The following DNAJB1 variants were observed in gnomAD, a reference collection of about 807,000 sequenced individuals.
DNAJB1 encodes the protein dnaJ homolog subfamily B member 1.
Under a neutral mutation model 24.0 loss-of-function variants are expected in DNAJB1, and 14 were observed. That is an observed-to-expected ratio of 0.58 (90% CI 0.39 to 0.91). The LOEUF (loss-of-function observed/expected upper bound fraction) is 0.91, where lower values mean the gene tolerates loss of function less well. Among genes scored for constraint, DNAJB1 ranks in the 40% least tolerant of loss-of-function variants. The pLI is 0.00. For synonymous variants in DNAJB1, 262 were observed against 174.4 expected, an observed-to-expected ratio of 1.50 and a Z score of -3.96; for missense variants, 517 against 458.1, an observed-to-expected ratio of 1.13 and a Z score of -1.17.
chr19:14,554,667 G>T (rs779822214), upstream of DNAJB1, among the ~76,000 whole-genome samples: 2 of 152,104 alleles, frequency 1.3e-5, no homozygotes, highest in Non-Finnish European at 2.9e-5. Flanking sequence ...GGCTCAGGTG[G>T]TGCCTGCTCC....
upstream of DNAJB1, among the ~76,000 whole-genome samples, chr19:14,532,953 C>CA (rs367726416): frequency 8.7e-5 from 13 of 149,854 alleles, no homozygotes; most frequent in African/African-American, 3.0e-4. Flanking sequence ...CTACTAAAAA[C>CA]AAAAAAATTA....
intron 1 of DNAJB1, among the ~76,000 whole-genome samples, chr19:14,547,319 C>T (rs930374042): frequency 6.6e-6 from 1 of 151,990 alleles, no homozygotes; most frequent in Non-Finnish European, 1.5e-5. Context: ...ATATTAGTTA[C>T]AGGCGTGAGC....
chr19:14,554,181 C>G (rs954093483), upstream of DNAJB1, among the ~76,000 whole-genome samples: 2 of 152,150 alleles, frequency 1.3e-5, no homozygotes, highest in African/African-American at 4.8e-5. Context: ...ATCTGTGAAA[C>G]GGAGCTAATG....
intron 1 of DNAJB1, among the ~76,000 whole-genome samples, chr19:14,535,599 T>C (rs1262511640): frequency 2.2e-5 from 2 of 92,164 alleles, no homozygotes; most frequent in Admixed American, 2.7e-4. Context: ...TGTATGTATA[T>C]ATAAATTAGC....
intron 1 of DNAJB1, among the ~76,000 whole-genome samples, chr19:14,537,472 G>C (rs1267339993): frequency 6.6e-6 from 1 of 152,200 alleles, no homozygotes; most frequent in Non-Finnish European, 1.5e-5. Flanking sequence ...TGACAGCCTT[G>C]AGTGAGGGCG....
rs552289493 is a variant in DNAJB1, at chr19:14,540,780, C to T, written c.-214+9428G>A. Among the ~76,000 whole-genome samples, 26 of 152,278 alleles carry T rather than the reference C, an allele frequency of 1.7e-4. 1 individual carries two copies. The South Asian group carries it at 2.5e-3, about 15-fold the overall frequency. On this transcript the variant is annotated intron_variant, in intron 1 of 3. Coordinates refer to the DNAJB1 transcript ENST00000676982. ...TTGATCTTAAGTGATCTGCCGGCCT[C>T]GGCCTCCCAAGTAGCTGGGACTGCA...
intron 1 of DNAJB1, chr19:14,544,969 A>C (rs910561263): frequency 2.5e-6 from 1 of 392,324 alleles, no homozygotes; most frequent in Non-Finnish European, 5.1e-6. Flanking sequence ...ATCAGAATCT[A>C]GGAACTGCGG....
At chr19:14,553,647 GGCTGAGCC>G (rs1384508301), upstream of DNAJB1, among the ~76,000 whole-genome samples, 1 of 152,114 alleles carries the variant, frequency 6.6e-6, no homozygotes, top group South Asian at 2.1e-4. Flanking sequence ...GAGCCGAGAG[GGCTGAGCC>G]GCTGAGCCGG....
chr19:14,522,683 GACACACACACACACACACACACAC>G (rs56121204), upstream of DNAJB1, among the ~76,000 whole-genome samples: 1 of 117,870 alleles, frequency 8.5e-6, no homozygotes, highest in African/African-American at 3.5e-5. Flanking sequence ...CACACACACA[GACACACACACACACACACACACAC>G]ACACACACAC....
upstream of DNAJB1, among the ~76,000 whole-genome samples, chr19:14,522,687 C>CACACACAG (rs2072375448): frequency 1.4e-5 from 1 of 71,716 alleles, no homozygotes; most frequent in African/African-American, 3.9e-5. Context: ...CACACAGACA[C>CACACACAG]ACACACACAC....
intron 1 of DNAJB1, among the ~76,000 whole-genome samples, chr19:14,543,358 T>G (rs569021729): frequency 1.4e-5 from 2 of 138,094 alleles, no homozygotes; most frequent in Non-Finnish European, 3.1e-5. Flanking sequence ...TTGGAAACAG[T>G]GTATTGCCTG....
At chr19:14,540,944 T>C (rs1227288995) in intron 1 of DNAJB1, among the ~76,000 whole-genome samples, 4 of 152,022 alleles carry the variant, frequency 2.6e-5, no homozygotes, top group Admixed American at 2.0e-4. Flanking sequence ...AAGCCATTCT[T>C]TTGCCTCAGG....
intron 1 of DNAJB1, 143 bp downstream of exon 1, chr19:14,517,996 G>A: frequency 2.2e-6 from 2 of 909,798 alleles, no homozygotes; most frequent in Non-Finnish European, 3.0e-6. Flanking sequence ...TCCGAGGGCG[G>A]AGGCCCGCGA....
intron 1 of DNAJB1, among the ~76,000 whole-genome samples, chr19:14,540,904 G>T (rs2161626): frequency 0.016 from 2,390 of 152,054 alleles, 48 homozygotes; most frequent in African/African-American, 0.052. Context: ...GAGTGATCTC[G>T]ATTCACTGCA....
At chr19:14,556,909 G>A (rs1240924481) in intron 1 of DNAJB1, among the ~76,000 whole-genome samples, 3 of 152,112 alleles carry the variant, frequency 2.0e-5, no homozygotes, top group Non-Finnish European at 2.9e-5. Context: ...CCTCTGCACC[G>A]AAAGTATCTC....
At chr19:14,524,346 T>G (rs527335375) in intron 2 of DNAJB1, among the ~76,000 whole-genome samples, 2 of 151,782 alleles carry the variant, frequency 1.3e-5, no homozygotes, top group African/African-American at 4.8e-5. Flanking sequence ...CTGGCCCACA[T>G]AGTGAGACCC....
chr19:14,520,607 G>A (rs531810729), upstream of DNAJB1, among the ~76,000 whole-genome samples: 3 of 152,336 alleles, frequency 2.0e-5, no homozygotes, highest in South Asian at 6.2e-4. Context: ...CAACCCGGGA[G>A]GATGGGGCTG....
rs529302571 is a variant in DNAJB1, at chr19:14,514,827, G to C, written c.*1113C>G. 2 of 152,542 alleles carry C rather than the reference G, an allele frequency of 1.3e-5. No homozygotes were observed. Among genetic ancestry groups the C allele is most frequent in the South Asian group, 4.1e-4 (2 of 4,822 alleles). The allele number at this position is 152,542 out of a possible 1,614,324, so 9.4% of individuals were successfully genotyped here. A position where few individuals can be genotyped will look rare whatever the true frequency, so the allele number is the denominator to read the frequency against. On this transcript the variant is annotated 3_prime_UTR_variant, in exon 3 of 3. Transcript: ENST00000254322. ...CTTCATTGACTAGTCACACACTTTG[G>C]TCTCATGTTGGCAGTGGCAACTTAC... is the stretch of plus-strand genomic sequence containing the variant.
At chr19:14,557,404 G>T (rs1230026719) in intron 1 of DNAJB1, among the ~76,000 whole-genome samples, 1 of 151,344 alleles carries the variant, frequency 6.6e-6, no homozygotes, top group Admixed American at 6.6e-5. Context: ...GCCTCCCAAA[G>T]TGCTGGGATT....
Sources: gnomAD v4.1 joint callset for allele counts (sites outside exome capture counted in the v4.1 genomes callset) on GRCh38, gnomAD v4.1.1 for gene constraint, MANE v1.5 for transcripts, NCBI Gene and HGNC (gene_info 2026-07-23, HGNC 2026-07-21) for gene names.